SPICE1: variants seen among roughly 807,000 people sequenced by gnomAD.
SPICE1 encodes spindle and centriole-associated protein 1.
SPICE1 carries 75 observed loss-of-function variants against 102.7 expected under a neutral mutation model. That is an observed-to-expected ratio of 0.73 (90% CI 0.61 to 0.88). SPICE1 has a LOEUF of 0.88. Among genes scored for constraint, SPICE1 ranks in the 40% least tolerant of loss-of-function variants. SPICE1 has a pLI of 0.00. For missense variants in SPICE1, 979 were observed against 1,020.1 expected, an observed-to-expected ratio of 0.96 and a Z score of 0.55; for synonymous variants, 308 against 350.3, an observed-to-expected ratio of 0.88 and a Z score of 1.35.
Position 113,499,295 on chromosome 3 carries a change from CT to C in SPICE1, c.291+143del, listed in dbSNP as rs1186982466. The C allele has an allele frequency of 5.7e-5, 50 of 879,962 alleles. No individual in the cohort carries two copies. In the South Asian group the frequency reaches 6.0e-4, roughly 11 times the overall value. 54.5% of individuals were successfully genotyped at this position (879,962 alleles called of 1,614,324 possible). On this transcript the variant is annotated intron_variant, in intron 4 of 17. Coordinates refer to ENST00000295872, the MANE Select transcript of SPICE1 (RefSeq NM_144718.4). ...CCAGACTCCAGTCACCACTCTGTTG[CT>C]TTTTTTGAAGTCCACATGTAGATTA...
At chr3:113,478,469 T>C (rs985634313) in intron 7 of SPICE1, among the ~76,000 whole-genome samples, 5 of 152,130 alleles carry the variant, frequency 3.3e-5, no homozygotes, top group African/African-American at 1.2e-4. Context: ...TCAAAAGGTA[T>C]TAAATGTGAC....
chr3:113,514,809 A>G lies in SPICE1; in HGVS notation c.-1+88T>C, dbSNP rs563868384. Reference sequence around the variant, plus strand: ...CACCCCCAATTACCAGCTCTGTGCAAAAGCTCCCGAAAGCGGTGCGCACGC... The same window carrying G: ...CACCCCCAATTACCAGCTCTGTGCAGAAGCTCCCGAAAGCGGTGCGCACGC... On this transcript the variant is annotated intron_variant, in intron 1 of 17. Coordinates refer to ENST00000295872, the MANE Select transcript of SPICE1 (RefSeq NM_144718.4). The G allele has an allele frequency of 9.0e-5, 114 of 1,264,026 alleles. No homozygotes were observed. The East Asian group carries it at 3.6e-3, about 39-fold the overall frequency. The allele number at this position is 1,264,026 out of a possible 1,614,324, so 78.3% of individuals were successfully genotyped here. A position where few individuals can be genotyped will look rare whatever the true frequency, so the allele number is the denominator to read the frequency against.
intron 17 of SPICE1, among the ~76,000 whole-genome samples, chr3:113,445,813 CT>C (rs1189534271): frequency 6.6e-6 from 1 of 152,144 alleles, no homozygotes; most frequent in Admixed American, 6.5e-5. Flanking sequence ...CATTTAATAT[CT>C]TTCCCCTATC....
At chr3:113,459,161 G>T (rs1935863544) in intron 12 of SPICE1, among the ~76,000 whole-genome samples, 2 of 152,140 alleles carry the variant, frequency 1.3e-5, no homozygotes, top group African/African-American at 4.8e-5. Flanking sequence ...TCCACTAAGG[G>T]TTAAACGGAT....
intron 8 of SPICE1, 39 bp from the exon 9 acceptor site, chr3:113,468,938 C>T (rs751820136): frequency 6.3e-7 from 1 of 1,588,442 alleles, no homozygotes; most frequent in East Asian, 2.2e-5. Flanking sequence ...CTCAAGTGAA[C>T]AAACTTCTTA....
chr3:113,494,377 G>C (rs1263593330), intron 4 of SPICE1, among the ~76,000 whole-genome samples: 1 of 152,160 alleles, frequency 6.6e-6, no homozygotes, highest in Non-Finnish European at 1.5e-5. Flanking sequence ...GCCGGGCGCG[G>C]TGGCTCACGC....
At chr3:113,450,581 T>A in intron 14 of SPICE1, 65 bp from the exon 15 acceptor site, 1 of 919,158 alleles carries the variant, frequency 1.1e-6, no homozygotes. Context: ...CTCCCACGAT[T>A]TTTTTTTTTT....
At chr3:113,489,847 C>CCAAAAA (rs1936728021) in intron 6 of SPICE1, among the ~76,000 whole-genome samples, 1 of 80,190 alleles carries the variant, frequency 1.2e-5, no homozygotes, top group African/African-American at 4.3e-5. Flanking sequence ...GACCCTGTCT[C>CCAAAAA]AAAAAAAAAA....
rs1417441890 is a variant in SPICE1, at chr3:113,514,797, CAGCTCTGTGCAAA to C, written c.-1+87_-1+99del. 11 of 1,279,794 alleles carry C rather than the reference CAGCTCTGTGCAAA, an allele frequency of 8.6e-6. No homozygotes were observed. The East Asian group carries it at 6.1e-4, about 71-fold the overall frequency. The allele number at this position is 1,279,794 out of a possible 1,614,324, so 79.3% of individuals were successfully genotyped here. A position where few individuals can be genotyped will look rare whatever the true frequency, so the allele number is the denominator to read the frequency against. ...GCTACAATCGAGCACCCCCAATTAC[CAGCTCTGTGCAAA>C]AGCTCCCGAAAGCGGTGCGCACGCG... is the stretch of plus-strand genomic sequence containing the variant. On this transcript the variant is annotated intron_variant, in intron 1 of 17. Coordinates refer to ENST00000295872, the MANE Select transcript of SPICE1 (RefSeq NM_144718.4).
chr3:113,453,369 T>TCAA, intron 14 of SPICE1, 97 bp downstream of exon 14: 1 of 1,462,412 alleles, frequency 6.8e-7, no homozygotes, highest in South Asian at 1.4e-5. Context: ...CAAAGCTTTC[T>TCAA]AGGATCACTT....
chr3:113,476,886 A>C (rs1936363284), intron 7 of SPICE1, among the ~76,000 whole-genome samples: 1 of 152,150 alleles, frequency 6.6e-6, no homozygotes, highest in Admixed American at 6.6e-5. Flanking sequence ...CAAGGACTTC[A>C]TGTCTAAAAC....
At chr3:113,460,418 T>C in intron 12 of SPICE1, 199 bp downstream of exon 12, 1 of 964,012 alleles carries the variant, frequency 1.0e-6, no homozygotes, top group Non-Finnish European at 1.2e-6. Context: ...AAATTATGCA[T>C]GTAAGACTTA....
chr3:113,506,732 G>A (rs1937121144), intron 1 of SPICE1, 127 bp from the exon 2 acceptor site: 1 of 653,244 alleles, frequency 1.5e-6, no homozygotes, highest in African/African-American at 1.8e-5. Flanking sequence ...TAAGCATGAT[G>A]AAAGGAACAG....
chr3:113,485,901 A>C (rs1398807582), intron 7 of SPICE1, among the ~76,000 whole-genome samples: 1 of 152,070 alleles, frequency 6.6e-6, no homozygotes, highest in Non-Finnish European at 1.5e-5. Flanking sequence ...AGAAAACAAA[A>C]CACCACATGT....
At chr3:113,474,093 T>A (rs1274527264) in intron 7 of SPICE1, among the ~76,000 whole-genome samples, 8 of 151,424 alleles carry the variant, frequency 5.3e-5, no homozygotes, top group African/African-American at 1.7e-4. Context: ...TGGAGGAAGA[T>A]CTACCAAGCA....
chr3:113,455,011 T>C (rs1183483565), intron 13 of SPICE1, among the ~76,000 whole-genome samples: 1 of 152,190 alleles, frequency 6.6e-6, no homozygotes, highest in African/African-American at 2.4e-5. Context: ...TAGCCAAGGA[T>C]AGTTATCTCA....
chr3:113,454,068 T>G lies in SPICE1; in HGVS notation c.1658-118A>C, dbSNP rs921946737. ...AAGTATTTCAGTAGAAGGGTTTGGC[T>G]TCTGAATGCTTAAACTATTTTCAGC... On this transcript the variant is annotated intron_variant, in intron 13 of 17. Coordinates refer to ENST00000295872, the MANE Select transcript of SPICE1 (RefSeq NM_144718.4). 7 of 933,300 alleles carry G rather than the reference T, an allele frequency of 7.5e-6. No individual in the cohort carries two copies. In the African/African-American group the frequency reaches 1.2e-4, roughly 16 times the overall value. The allele number at this position is 933,300 out of a possible 1,614,324, so 57.8% of individuals were successfully genotyped here.
At chr3:113,489,692 T>A (rs1364890308) in intron 6 of SPICE1, among the ~76,000 whole-genome samples, 1 of 151,706 alleles carries the variant, frequency 6.6e-6, no homozygotes, top group Non-Finnish European at 1.5e-5. Context: ...CAAAAAAATT[T>A]AAAAATTAGC....
At chr3:113,495,325 A>C (rs1259088999) in intron 4 of SPICE1, among the ~76,000 whole-genome samples, 1 of 152,258 alleles carries the variant, frequency 6.6e-6, no homozygotes, top group Non-Finnish European at 1.5e-5. Flanking sequence ...TCTATACTAC[A>C]GAATCAAATA....
Sources: gnomAD v4.1 joint callset for allele counts (sites outside exome capture counted in the v4.1 genomes callset) on GRCh38, gnomAD v4.1.1 for gene constraint, MANE v1.5 for transcripts, NCBI Gene and HGNC (gene_info 2026-07-23, HGNC 2026-07-21) for gene names.